Variants in ZNF385D observed in about 807,000 individuals in gnomAD.
ZNF385D encodes the protein zinc finger protein 385D.
In ZNF385D, 15 loss-of-function variants were observed where a neutral mutation model predicts 35.8. The observed-to-expected ratio is 0.42, with a 90% CI of 0.28 to 0.64. The LOEUF is 0.64. Among genes scored for constraint, ZNF385D ranks in the 30% least tolerant of loss-of-function variants. ZNF385D has a pLI of 0.23. For missense variants in ZNF385D, 474 were observed against 494.6 expected (o/e 0.96, Z 0.39); for synonymous variants, 212 against 186.8 (o/e 1.13, Z -1.10).
intron 2 of ZNF385D, among the ~76,000 whole-genome samples, chr3:22,343,368 T>C (rs545796245): frequency 9.2e-5 from 14 of 152,354 alleles, no homozygotes; most frequent in African/African-American, 3.1e-4. Context: ...TTCCTCTTTA[T>C]TTCCAGGACC....
At chr3:22,136,690 G>A (rs545603852) in intron 3 of ZNF385D, among the ~76,000 whole-genome samples, 20 of 152,128 alleles carry the variant, frequency 1.3e-4, no homozygotes, top group Non-Finnish European at 2.1e-4. Context: ...CAACCATTAT[G>A]TCCTTCAATA....
intron 3 of ZNF385D, among the ~76,000 whole-genome samples, chr3:21,918,248 T>C (rs1700289511): frequency 6.6e-6 from 1 of 152,190 alleles, no homozygotes; most frequent in South Asian, 2.1e-4. Context: ...GGATGAGTCT[T>C]AGGGCAGGCC....
rs115304934 is a variant in ZNF385D at position 21,482,264 on chromosome 3, G to A, written c.439+28597C>T. 6.4e-3 allele frequency among the ~76,000 whole-genome samples: 965 copies of A among 151,768 alleles called. 10 individuals carry two copies. Among genetic ancestry groups the A allele is most frequent in the African/African-American group, 0.021 (888 of 41,464 alleles). On this transcript the variant is annotated intron_variant, in intron 4 of 7. Transcript: ENST00000281523. ...TCTCTAAATCAGGAGTCAGTAAAGG[G>A]TGACCCATGGGTCAAATCTAATACA...
At chr3:22,056,254 C>T (rs1320084617) in intron 3 of ZNF385D, among the ~76,000 whole-genome samples, 1 of 11,618 alleles carries the variant, frequency 8.6e-5, no homozygotes. Flanking sequence ...TGCACATGTA[C>T]CCTAAAACTT....
intron 4 of ZNF385D, among the ~76,000 whole-genome samples, chr3:21,487,774 G>A (rs1349528135): frequency 2.0e-5 from 3 of 151,856 alleles, no homozygotes; most frequent in Non-Finnish European, 4.4e-5. Context: ...TGTAACTTTG[G>A]GCAAGTACCT....
intron 3 of ZNF385D, among the ~76,000 whole-genome samples, chr3:21,816,690 C>G (rs1479817940): frequency 6.6e-6 from 1 of 151,926 alleles, no homozygotes; most frequent in Admixed American, 6.6e-5. Context: ...AAAGAGAACA[C>G]AAAAAAATGG....
At position 22,317,049 on chromosome 3, in the gene ZNF385D, G is replaced by A. The variant is rs1456041747; in HGVS notation, c.106+55401C>T. Among the ~76,000 whole-genome samples the A allele has an allele frequency of 3.9e-5, 6 of 151,992 alleles. No homozygotes were observed. The East Asian group carries it at 1.2e-3, about 30-fold the overall frequency. On this transcript the variant is annotated intron_variant, in intron 2 of 5. Transcript: ENST00000494108. Reference sequence around the variant, plus strand: ...TCCGAACACTTTGGGAGGCCGAGGTGGGCGGATTACCTGAGGTCAGGAGCT... The same window carrying A: ...TCCGAACACTTTGGGAGGCCGAGGTAGGCGGATTACCTGAGGTCAGGAGCT...
exon 2 of ZNF385D, chr3:22,372,553 C>G: frequency 1.0e-6 from 1 of 985,840 alleles, no homozygotes; most frequent in Non-Finnish European, 1.2e-6. Context: ...CTGGCCCTGG[C>G]ATCCGGGAGG....
intron 2 of ZNF385D, among the ~76,000 whole-genome samples, chr3:22,193,643 G>C (rs1451482749): frequency 6.6e-6 from 1 of 151,814 alleles, no homozygotes; most frequent in African/African-American, 2.4e-5. Flanking sequence ...AAAGCTTCTG[G>C]ATTAGTGTTC....
chr3:22,217,652 A>T (rs1285267951), intron 2 of ZNF385D, among the ~76,000 whole-genome samples: 3 of 151,934 alleles, frequency 2.0e-5, no homozygotes, highest in Non-Finnish European at 4.4e-5. Context: ...AAAAATCATA[A>T]TTAATAACAT....
intron 3 of ZNF385D, among the ~76,000 whole-genome samples, chr3:22,082,712 A>G (rs886219677): frequency 1.3e-5 from 2 of 152,194 alleles, no homozygotes; most frequent in Admixed American, 6.5e-5. Flanking sequence ...TTCTCCCAGC[A>G]TGGTGTTTGA....
At chr3:21,956,821 G>A (rs1319985246) in intron 3 of ZNF385D, among the ~76,000 whole-genome samples, 1 of 151,622 alleles carries the variant, frequency 6.6e-6, no homozygotes, top group East Asian at 2.0e-4. Flanking sequence ...TCAAGCAGAA[G>A]GCAATCTGTA....
intron 3 of ZNF385D, among the ~76,000 whole-genome samples, chr3:21,999,448 C>T (rs1265362522): frequency 1.3e-5 from 2 of 151,884 alleles, no homozygotes; most frequent in African/African-American, 4.8e-5. Flanking sequence ...TAAAATTCTT[C>T]AAAATTAAGA....
intron 2 of ZNF385D, among the ~76,000 whole-genome samples, chr3:21,576,254 T>A (rs1460553929): frequency 6.6e-6 from 1 of 152,186 alleles, no homozygotes; most frequent in Non-Finnish European, 1.5e-5. Context: ...AGGAGCTGAT[T>A]TTGTTCAGAA....
chr3:21,635,911 A>G (rs2065417124), intron 2 of ZNF385D, among the ~76,000 whole-genome samples: 1 of 152,132 alleles, frequency 6.6e-6, no homozygotes, highest in South Asian at 2.1e-4. Flanking sequence ...ATGCCTGAGT[A>G]GTATTCCATT....
At chr3:21,746,615 A>T (rs997851656) in intron 1 of ZNF385D, among the ~76,000 whole-genome samples, 5 of 152,068 alleles carry the variant, frequency 3.3e-5, no homozygotes, top group African/African-American at 1.2e-4. Flanking sequence ...TAAAAGGGGG[A>T]CTTTAGACAT....
intron 2 of ZNF385D, among the ~76,000 whole-genome samples, chr3:21,594,820 G>T (rs1363643959): frequency 6.6e-6 from 1 of 151,958 alleles, no homozygotes; most frequent in Non-Finnish European, 1.5e-5. Flanking sequence ...CCCATGACCT[G>T]GGATATAACT....
At chr3:22,296,788 C>T (rs1702607550) in intron 2 of ZNF385D, among the ~76,000 whole-genome samples, 1 of 152,130 alleles carries the variant, frequency 6.6e-6, no homozygotes, top group Non-Finnish European at 1.5e-5. Context: ...TAGTGTCTGT[C>T]TTGAGCATGG....
At chr3:22,321,810 C>T (rs1380510350) in intron 2 of ZNF385D, among the ~76,000 whole-genome samples, 1 of 151,846 alleles carries the variant, frequency 6.6e-6, no homozygotes. Flanking sequence ...CATTCTTTTC[C>T]TTACTAAATA....
Sources: allele counts gnomAD v4.1 joint callset (sites outside exome capture counted in the v4.1 genomes callset), GRCh38; gene constraint gnomAD v4.1.1; transcripts MANE v1.5; gene names NCBI Gene and HGNC (gene_info 2026-07-23, HGNC 2026-07-21).